Variants in CACNA1E observed in about 807,000 individuals in gnomAD.
CACNA1E encodes the protein calcium voltage-gated channel subunit alpha1 E.
In CACNA1E, 40 loss-of-function variants were observed where a neutral mutation model predicts 259.2. That is an observed-to-expected ratio of 0.15 (90% CI 0.12 to 0.20). The LOEUF is 0.20. Among genes scored for constraint, CACNA1E ranks in the 10% least tolerant of loss-of-function variants. The probability of loss-of-function intolerance (pLI) is 1.00; values close to 1 mark genes in which losing one functional copy is unlikely to be tolerated. For missense variants in CACNA1E, 1,874 were observed against 3,040.1 expected, an observed-to-expected ratio of 0.62 and a Z score of 9.02; for synonymous variants, 1,104 against 1,138.5, an observed-to-expected ratio of 0.97 and a Z score of 0.61.
intron 42 of CACNA1E, 136 bp downstream of exon 42, chr1:181,785,554 T>C (rs929876355): frequency 4.8e-5 from 41 of 860,458 alleles, no homozygotes; most frequent in Middle Eastern, 2.2e-4. Context: ...CCAAGAACTT[T>C]CTAGTGACGT....
At chr1:181,419,480 C>T (rs896337673) in intron 2 of CACNA1E, among the ~76,000 whole-genome samples, 1 of 152,116 alleles carries the variant, frequency 6.6e-6, no homozygotes, top group Non-Finnish European at 1.5e-5. Context: ...AGCATTCCCC[C>T]ATTGTCACTC....
At chr1:181,562,424 T>C (rs1293543740) in intron 3 of CACNA1E, among the ~76,000 whole-genome samples, 1 of 152,212 alleles carries the variant, frequency 6.6e-6, no homozygotes, top group East Asian at 1.9e-4. Context: ...CTGTGTTTCT[T>C]CTTTTGTGAG....
chr1:181,716,256 GA>G, intron 10 of CACNA1E, 127 bp downstream of exon 10: 1 of 392,224 alleles, frequency 2.5e-6, no homozygotes, highest in Non-Finnish European at 4.5e-6. Flanking sequence ...TGTAATTAAG[GA>G]AAAGGGTGGA....
At chr1:181,531,156 C>T (rs963265436) in intron 3 of CACNA1E, among the ~76,000 whole-genome samples, 1 of 152,200 alleles carries the variant, frequency 6.6e-6, no homozygotes. Flanking sequence ...CCTTTTCCTT[C>T]CTTTGGAGAA....
intron 3 of CACNA1E, among the ~76,000 whole-genome samples, chr1:181,533,238 A>G (rs1667914331): frequency 6.6e-6 from 1 of 150,926 alleles, no homozygotes. Context: ...TCATAAAAAT[A>G]TTGCATAAAA....
intron 3 of CACNA1E, among the ~76,000 whole-genome samples, chr1:181,519,177 C>T (rs1244232425): frequency 8.5e-5 from 13 of 152,116 alleles, no homozygotes; most frequent in Admixed American, 5.2e-4. Flanking sequence ...GGCATAAATG[C>T]GAACTCTATA....
At chr1:181,370,738 C>T (rs1335538949) in intron 1 of CACNA1E, among the ~76,000 whole-genome samples, 1 of 152,084 alleles carries the variant, frequency 6.6e-6, no homozygotes, top group Non-Finnish European at 1.5e-5. Flanking sequence ...CTGTGATAAA[C>T]ATATGGGTGC....
At chr1:181,513,528 T>A (rs927356667) in intron 3 of CACNA1E, among the ~76,000 whole-genome samples, 1 of 152,186 alleles carries the variant, frequency 6.6e-6, no homozygotes, top group African/African-American at 2.4e-5. Context: ...GATATCACAT[T>A]TTATGAGACA....
At chr1:181,438,511 G>T (rs573123579) in intron 2 of CACNA1E, among the ~76,000 whole-genome samples, 1 of 152,218 alleles carries the variant, frequency 6.6e-6, no homozygotes, top group African/African-American at 2.4e-5. Context: ...ATTTGCTTTT[G>T]CCTTTTTATT....
At chr1:181,458,343 T>G (rs911112732) in intron 2 of CACNA1E, among the ~76,000 whole-genome samples, 6 of 152,148 alleles carry the variant, frequency 3.9e-5, no homozygotes, top group Admixed American at 3.9e-4. Context: ...TCCCACAGTT[T>G]CCTATGCCCA....
At chr1:181,675,002 TAAAC>T (rs1649227725) in intron 7 of CACNA1E, among the ~76,000 whole-genome samples, 2 of 152,326 alleles carry the variant, frequency 1.3e-5, no homozygotes, top group South Asian at 4.1e-4. Context: ...GTGTTATAAT[TAAAC>T]AATCAATTTA....
chr1:181,335,481 C>T (rs1158789942), intron 1 of CACNA1E, among the ~76,000 whole-genome samples: 1 of 152,182 alleles, frequency 6.6e-6, no homozygotes, highest in Non-Finnish European at 1.5e-5. Flanking sequence ...GGTTGCTGGC[C>T]TAGATGTGCT....
intron 22 of CACNA1E, among the ~76,000 whole-genome samples, chr1:181,737,168 C>T (rs1656120366): frequency 6.6e-6 from 1 of 152,180 alleles, no homozygotes; most frequent in African/African-American, 2.4e-5. Flanking sequence ...TTTGTAATTT[C>T]CTTGGGATGT....
At chr1:181,394,273 G>A (rs1376313092) in intron 1 of CACNA1E, among the ~76,000 whole-genome samples, 1 of 152,036 alleles carries the variant, frequency 6.6e-6, no homozygotes, top group Non-Finnish European at 1.5e-5. Flanking sequence ...TAAAATGGGA[G>A]GTTTAAATAA....
intron 45 of CACNA1E, among the ~76,000 whole-genome samples, chr1:181,794,590 T>C (rs1336973284): frequency 6.6e-6 from 1 of 152,272 alleles, no homozygotes; most frequent in Non-Finnish European, 1.5e-5. Flanking sequence ...GCACAGTTCC[T>C]GCCTGCATTC....
chr1:181,365,250 C>T (rs1654182551), intron 1 of CACNA1E, among the ~76,000 whole-genome samples: 1 of 152,194 alleles, frequency 6.6e-6, no homozygotes. Flanking sequence ...TCTCTGCTGC[C>T]TCAACCTCCC....
In CACNA1E at chr1:181,651,382, C is replaced by A. The variant is rs754054442; in HGVS notation, c.996C>A (p.Ile332=). ...LGATWNWLYF[I]PLIIIGSFFV... ...CCACCTGGAATTGGCTGTACTTCAT[C>A]CCCCTCATCATCATTGGATCCTTCT... Residue 332 remains isoleucine, a synonymous_variant, in exon 7 of 48, where the codon ATC becomes ATA. Transcript: ENST00000367573. 21 of 1,601,642 alleles carry A rather than the reference C, an allele frequency of 1.3e-5. No homozygotes were observed. The highest frequency in any genetic ancestry group is 1.8e-5 in the Non-Finnish European group (21 of 1,168,714).
intron 2 of CACNA1E, among the ~76,000 whole-genome samples, chr1:181,445,438 G>C (rs1225207965): frequency 6.6e-6 from 1 of 152,206 alleles, no homozygotes; most frequent in Non-Finnish European, 1.5e-5. Context: ...CCATGCTTCT[G>C]GGTTTCAGGG....
intron 1 of CACNA1E, among the ~76,000 whole-genome samples, chr1:181,345,975 G>A (rs1407269507): frequency 6.6e-6 from 1 of 152,220 alleles, no homozygotes; most frequent in East Asian, 1.9e-4. Flanking sequence ...GTCTCAGGCA[G>A]GACCAGGTGT....
Sources: allele counts gnomAD v4.1 joint callset (sites outside exome capture counted in the v4.1 genomes callset), GRCh38; gene constraint gnomAD v4.1.1; transcripts MANE v1.5; gene names NCBI Gene and HGNC (gene_info 2026-07-23, HGNC 2026-07-21).